FRY: variants seen among roughly 807,000 people sequenced by gnomAD.
The protein encoded by FRY is protein furry homolog.
FRY carries 128 observed loss-of-function variants against 348.4 expected under a neutral mutation model. The ratio of observed to expected loss-of-function variants is 0.37; its 90% confidence interval spans 0.32 to 0.43. The LOEUF (loss-of-function observed/expected upper bound fraction) is 0.43. Among genes scored for constraint, FRY ranks in the 20% least tolerant of loss-of-function variants. The pLI, the probability that FRY is intolerant of heterozygous loss-of-function variation, is 1.00. For synonymous variants in FRY, 1,370 were observed against 1,374.7 expected (o/e 1.00, Z 0.08); for missense variants, 2,736 against 3,695.2 (o/e 0.74, Z 6.73).
chr13:32,127,190 T>G (rs1420212557), intron 7 of FRY, among the ~76,000 whole-genome samples: 1 of 152,230 alleles, frequency 6.6e-6, no homozygotes, highest in Non-Finnish European at 1.5e-5. Context: ...ATTTTTAAAC[T>G]ACTTTCTCTT....
chr13:32,289,751 C>T lies in FRY; in HGVS notation c.8580+8C>T. ...GTTAGCTCCATGCCAGAGGTGAGTC[C>T]ACACGCTTCCCAACCCCACGTCCCA... On this transcript the variant is annotated splice_region_variant and intron_variant, in intron 59 of 60. Coordinates refer to ENST00000542859, the MANE Select transcript of FRY (RefSeq NM_023037.3). The T allele has an allele frequency of 6.8e-7, 1 of 1,461,948 alleles. No homozygotes were observed. Among genetic ancestry groups the T allele is most frequent in the Admixed American group, 1.7e-5 (1 of 59,832 alleles). 90.6% of individuals were successfully genotyped at this position (1,461,948 alleles called of 1,614,324 possible).
intron 1 of FRY, among the ~76,000 whole-genome samples, chr13:32,066,247 C>T (rs767948886): frequency 6.6e-6 from 1 of 152,216 alleles, no homozygotes; most frequent in Non-Finnish European, 1.5e-5. Flanking sequence ...AGCTATTTTG[C>T]TTCCTTATGG....
chr13:32,181,669 T>C (rs1882721433), intron 23 of FRY, among the ~76,000 whole-genome samples: 2 of 151,364 alleles, frequency 1.3e-5, no homozygotes, highest in African/African-American at 2.4e-5. Context: ...GAATCTAAGA[T>C]TGTTTTGCAT....
At chr13:32,055,473 T>C (rs547543318) in intron 1 of FRY, among the ~76,000 whole-genome samples, 1 of 152,336 alleles carries the variant, frequency 6.6e-6, no homozygotes, top group East Asian at 1.9e-4. Flanking sequence ...TGGGTACACA[T>C]TGGAATCACT....
In FRY at chr13:32,134,993, TG is replaced by T; in HGVS notation, c.976del (p.Ala326LeufsTer7). ...LFVEILVPVA[A>X]AVKNEVNVPC... ...TTGTTGAAATACTTGTTCCAGTTGC[TG>T]CTGTGAGTTTCATTTCTAAAAACTC... On this transcript the variant is annotated frameshift_variant and splice_region_variant, in exon 9 of 61. Coordinates refer to ENST00000542859, the MANE Select transcript of FRY (RefSeq NM_023037.3). LOFTEE classifies it high-confidence loss of function. 1.9e-6 allele frequency: 3 copies of T among 1,607,060 alleles called. No homozygotes were observed. Among genetic ancestry groups the T allele is most frequent in the Non-Finnish European group, 2.6e-6 (3 of 1,173,546 alleles).
At chr13:32,032,600 A>G (rs1200061922) in intron 1 of FRY, among the ~76,000 whole-genome samples, 1 of 152,222 alleles carries the variant, frequency 6.6e-6, no homozygotes, top group African/African-American at 2.4e-5. Flanking sequence ...TCTGACCTAC[A>G]TAAGGATTTT....
At chr13:32,171,336 C>T (rs1415421003) in intron 18 of FRY, 66 bp downstream of exon 18, 25 of 1,180,352 alleles carry the variant, frequency 2.1e-5, no homozygotes, top group Non-Finnish European at 2.7e-5. Context: ...TTTTTTGAGA[C>T]AGTCTTACTC....
intron 18 of FRY, 113 bp downstream of exon 18, chr13:32,171,383 C>T: frequency 1.2e-6 from 1 of 842,590 alleles, no homozygotes; most frequent in Non-Finnish European, 1.8e-6. Flanking sequence ...GCGATCTTGA[C>T]TCACTGCAAC....
Position 32,134,940 on chromosome 13 carries a change from G to A in FRY, c.922G>A (p.Asp308Asn), listed in dbSNP as rs772726130. 1 of 1,613,190 alleles carries A rather than the reference G, an allele frequency of 6.2e-7. No homozygotes were observed. The highest frequency in any genetic ancestry group is 8.5e-7 in the Non-Finnish European group (1 of 1,179,180). Reference sequence around the variant, plus strand: ...TTACTTCCTCGAGGTCAAAGACAAAGATATCAAGCATGCCTTGGCTGGGCT... The same window carrying A: ...TTACTTCCTCGAGGTCAAAGACAAAAATATCAAGCATGCCTTGGCTGGGCT... Reference protein sequence around the residue: ...AHYFLEVKDKDIKHALAGLFV... With the variant: ...AHYFLEVKDKNIKHALAGLFV... Residue 308 changes from aspartate to asparagine, a missense_variant, in exon 9 of 61, where the codon GAT becomes AAT. By Grantham distance (23) the Asp-to-Asn change is conservative (BLOSUM62 1). This residue lies in a region of FRY where 309 missense variants were observed against 418.1 expected (regional missense o/e 0.74). Coordinates refer to ENST00000542859, the MANE Select transcript of FRY (RefSeq NM_023037.3).
chr13:32,202,576 A>T, intron 31 of FRY, 49 bp downstream of exon 31: 1 of 1,372,676 alleles, frequency 7.3e-7, no homozygotes, highest in Non-Finnish European at 1.0e-6. Flanking sequence ...TCTAATAATG[A>T]CGTATGTGAT....
intron 2 of FRY, among the ~76,000 whole-genome samples, chr13:32,090,195 A>C (rs1876186996): frequency 6.6e-6 from 1 of 151,758 alleles, no homozygotes; most frequent in Non-Finnish European, 1.5e-5. Flanking sequence ...AAAAATATTA[A>C]AAATTAGCCA....
In FRY at chr13:32,134,990, TGC is replaced by T; in HGVS notation, c.973_974del (p.Ala325CysfsTer4). ...TTTTTGTTGAAATACTTGTTCCAGT[TGC>T]TGCTGTGAGTTTCATTTCTAAAAAC... ...GLFVEILVPV[A>X]AAVKNEVNVP... is the part of the protein sequence containing the mutation. On this transcript the variant is annotated frameshift_variant, in exon 9 of 61. Coordinates refer to ENST00000542859, the MANE Select transcript of FRY (RefSeq NM_023037.3). LOFTEE classifies it high-confidence loss of function. 3 of 1,608,698 alleles carry T rather than the reference TGC, an allele frequency of 1.9e-6. No individual in the cohort carries two copies. Among genetic ancestry groups the T allele is most frequent in the Non-Finnish European group, 2.6e-6 (3 of 1,175,016 alleles).
chr13:32,254,183 A>G (rs1887223368), intron 50 of FRY, 41 bp from the exon 51 acceptor site: 3 of 1,607,646 alleles, frequency 1.9e-6, no homozygotes, highest in Non-Finnish European at 2.6e-6. Flanking sequence ...CAAACAACCA[A>G]AGGGAGAACG....
At chr13:32,253,271 A>T (rs1237188919) in intron 50 of FRY, among the ~76,000 whole-genome samples, 1 of 152,212 alleles carries the variant, frequency 6.6e-6, no homozygotes, top group Non-Finnish European at 1.5e-5. Context: ...CAGGTGCTAT[A>T]ATGAGAGGCT....
At chr13:32,200,313 A>T (rs1883938568) in intron 29 of FRY, among the ~76,000 whole-genome samples, 1 of 152,276 alleles carries the variant, frequency 6.6e-6, no homozygotes, top group Non-Finnish European at 1.5e-5. Flanking sequence ...ATCAAAAAAA[A>T]GATTCCCAAG....
At chr13:32,125,624 T>C (rs1192411477) in intron 7 of FRY, among the ~76,000 whole-genome samples, 1 of 152,218 alleles carries the variant, frequency 6.6e-6, no homozygotes, top group Non-Finnish European at 1.5e-5. Context: ...AAGAGATTTT[T>C]ATCTTCAAGG....
At chr13:32,186,211 T>C in intron 26 of FRY, 49 bp from the exon 27 acceptor site, 1 of 1,293,192 alleles carries the variant, frequency 7.7e-7, no homozygotes. Context: ...ATAATAGCGA[T>C]ATACAGTATG....
intron 36 of FRY, among the ~76,000 whole-genome samples, chr13:32,223,917 A>G (rs1885447017): frequency 6.6e-6 from 1 of 151,964 alleles, no homozygotes; most frequent in Non-Finnish European, 1.5e-5. Flanking sequence ...GTGTATTTTT[A>G]GTAGAGGTGG....
chr13:32,053,084 G>A (rs1288453707), intron 1 of FRY, among the ~76,000 whole-genome samples: 1 of 151,778 alleles, frequency 6.6e-6, no homozygotes, highest in East Asian at 1.9e-4. Flanking sequence ...CTGCACTCCA[G>A]CCTGGAAAAC....
Sources: allele counts gnomAD v4.1 joint callset (sites outside exome capture counted in the v4.1 genomes callset), GRCh38; gene constraint gnomAD v4.1.1; regional missense constraint gnomAD v4.1.1; transcripts MANE v1.5; gene names NCBI Gene and HGNC (gene_info 2026-07-23, HGNC 2026-07-21).